TBXAS1: variants seen among roughly 807,000 people sequenced by gnomAD.
TBXAS1 encodes thromboxane A synthase 1.
TBXAS1 carries 48 observed loss-of-function variants against 60.7 expected under a neutral mutation model. The ratio of observed to expected loss-of-function variants is 0.79; its 90% CI spans 0.63 to 1.01. TBXAS1 has a LOEUF of 1.01. Among genes scored for constraint, TBXAS1 ranks in the 50% least tolerant of loss-of-function variants. The pLI is 0.00. For synonymous variants in TBXAS1, 287 were observed against 269.7 expected (o/e 1.06, Z -0.63); for missense variants, 685 against 686.3 (o/e 1.00, Z 0.02).
intron 6 of TBXAS1, among the ~76,000 whole-genome samples, chr7:139,953,975 A>G (rs970679300): frequency 6.6e-6 from 1 of 152,198 alleles, no homozygotes; most frequent in Non-Finnish European, 1.5e-5. Flanking sequence ...GGCCCAACAC[A>G]AATTTATAAA....
intron 4 of TBXAS1, among the ~76,000 whole-genome samples, chr7:139,914,672 GCCTTCCC>G (rs1018674686): frequency 1.3e-5 from 2 of 152,208 alleles, no homozygotes; most frequent in African/African-American, 4.8e-5. Context: ...CCTCCAGGAA[GCCTTCCC>G]TGCCTCCATC....
At chr7:139,934,275 G>A (rs554668204) in intron 4 of TBXAS1, among the ~76,000 whole-genome samples, 46 of 148,402 alleles carry the variant, frequency 3.1e-4, no homozygotes, top group Non-Finnish European at 3.1e-4. Flanking sequence ...TGCAACCTCC[G>A]TCTCCCAGGT....
intron 4 of TBXAS1, among the ~76,000 whole-genome samples, chr7:139,823,815 G>T (rs1301662740): frequency 6.6e-6 from 1 of 152,210 alleles, no homozygotes; most frequent in Admixed American, 6.5e-5. Flanking sequence ...ACCTGGGAAT[G>T]AAAAGTATTG....
intron 9 of TBXAS1, among the ~76,000 whole-genome samples, chr7:140,000,947 G>T (rs1338605911): frequency 6.6e-6 from 1 of 152,184 alleles, no homozygotes; most frequent in African/African-American, 2.4e-5. Flanking sequence ...TCATCTTCTT[G>T]TTCACTCTAC....
chr7:139,868,653 T>C (rs1207044966), intron 1 of TBXAS1, among the ~76,000 whole-genome samples: 1 of 82,840 alleles, frequency 1.2e-5, no homozygotes, highest in East Asian at 2.3e-4. Flanking sequence ...CTGGCTAATA[T>C]TTTTTTTTTT....
At chr7:139,805,660 C>CTCTT (rs755258646) in intron 4 of TBXAS1, among the ~76,000 whole-genome samples, 2,196 of 101,412 alleles carry the variant, frequency 0.022, 73 homozygotes, top group Non-Finnish European at 0.026. Flanking sequence ...CCTTCTTTTT[C>CTCTT]TCTTTCTTTC....
intron 3 of TBXAS1, chr7:139,875,899 G>A: frequency 1.9e-6 from 1 of 527,340 alleles, no homozygotes; most frequent in South Asian, 2.1e-5. Flanking sequence ...GCTGGGCTGG[G>A]CACAGCATCA....
intron 9 of TBXAS1, among the ~76,000 whole-genome samples, chr7:139,995,946 C>G (rs941845220): frequency 4.6e-5 from 7 of 152,190 alleles, no homozygotes; most frequent in Non-Finnish European, 8.8e-5. Context: ...TGCGACCCCA[C>G]TGACTTGGTT....
At chr7:139,976,801 T>A (rs1811595227) in intron 9 of TBXAS1, among the ~76,000 whole-genome samples, 1 of 152,124 alleles carries the variant, frequency 6.6e-6, no homozygotes, top group South Asian at 2.1e-4. Context: ...GAGGCACAGA[T>A]GCAAATGTGC....
chr7:139,942,955 A>G (rs1808407755), intron 5 of TBXAS1, among the ~76,000 whole-genome samples: 1 of 152,204 alleles, frequency 6.6e-6, no homozygotes, highest in South Asian at 2.1e-4. Context: ...TTAAGTTGAT[A>G]TAGCCCGCTT....
intron 1 of TBXAS1, 70 bp from the exon 2 acceptor site, chr7:139,872,165 G>T: frequency 6.9e-7 from 1 of 1,451,118 alleles, no homozygotes; most frequent in Non-Finnish European, 9.7e-7. Flanking sequence ...AGTAATTCTA[G>T]TTCCTAATAG....
intron 4 of TBXAS1, among the ~76,000 whole-genome samples, chr7:139,794,601 T>G (rs1276578648): frequency 1.3e-5 from 2 of 151,720 alleles, no homozygotes; most frequent in South Asian, 2.1e-4. Flanking sequence ...GCCATGCTGA[T>G]GCACTGCACC....
chr7:139,920,164 A>G (rs1286903250), intron 4 of TBXAS1, among the ~76,000 whole-genome samples: 3 of 152,240 alleles, frequency 2.0e-5, no homozygotes, highest in South Asian at 4.1e-4. Flanking sequence ...TGTGGGGTTC[A>G]TCCACATCTT....
chr7:139,936,290 C>G lies in TBXAS1; in HGVS notation c.433C>G (p.Pro145Ala). Residue 145 changes from proline to alanine, a missense_variant, in exon 5 of 13, where the codon CCT (proline) becomes GCT (alanine). Pro to Ala is a conservative substitution (Grantham distance 27). Coordinates refer to ENST00000448866, the MANE Select transcript of TBXAS1 (RefSeq NM_001061.7). ...AGGTGCCCTGATGTCTGCTTTCAGTCCTGAAAAGCTGAACGAGGTAAGACA... is the reference window on the plus strand; with the variant it reads ...AGGTGCCCTGATGTCTGCTTTCAGTGCTGAAAAGCTGAACGAGGTAAGACA... ...VRGALMSAFS[P>A]EKLNEMVPLI... 1 of 1,614,110 alleles carries G rather than the reference C, an allele frequency of 6.2e-7. No individual in the cohort carries two copies. Among genetic ancestry groups the G allele is most frequent in the Non-Finnish European group, 8.5e-7 (1 of 1,179,976 alleles).
At chr7:139,960,680 A>G (rs1810258106) in intron 8 of TBXAS1, among the ~76,000 whole-genome samples, 1 of 149,798 alleles carries the variant, frequency 6.7e-6, no homozygotes, top group Non-Finnish European at 1.5e-5. Flanking sequence ...TGGGAGGTGG[A>G]GGTTGCAGTG....
chr7:139,841,434 A>G (rs1446439381), intron 1 of TBXAS1, among the ~76,000 whole-genome samples: 1 of 152,130 alleles, frequency 6.6e-6, no homozygotes, highest in East Asian at 1.9e-4. Context: ...AAAGGCATGG[A>G]TAATTTTCAG....
chr7:139,868,379 C>T (rs1317093663), intron 1 of TBXAS1, among the ~76,000 whole-genome samples: 1 of 152,170 alleles, frequency 6.6e-6, no homozygotes, highest in African/African-American at 2.4e-5. Flanking sequence ...CTGTAAGACT[C>T]ACTCATAAGT....
At chr7:139,910,835 G>A (rs1174241419) in intron 3 of TBXAS1, among the ~76,000 whole-genome samples, 1 of 152,148 alleles carries the variant, frequency 6.6e-6, no homozygotes, top group Non-Finnish European at 1.5e-5. Flanking sequence ...CCGTTTTGGG[G>A]AAATATGGAT....
chr7:139,911,283 G>T lies in TBXAS1; in HGVS notation c.295G>T (p.Val99Leu). 6.2e-7 allele frequency: 1 copy of T among 1,614,148 alleles called. No individual in the cohort carries two copies. The highest frequency in any genetic ancestry group is 8.5e-7 in the Non-Finnish European group (1 of 1,180,032). ...VISEPDMIKQVLVENFSNFTN... is the reference protein window; with the variant it reads ...VISEPDMIKQLLVENFSNFTN... ...TTCTGAGCCAGACATGATCAAGCAG[G>T]TGTTGGTTGAGAACTTCAGTAACTT... Residue 99 changes from valine (V) to leucine (L), a missense_variant, in exon 4 of 13, where the codon GTG (valine) becomes TTG (leucine). Val to Leu is a conservative substitution (Grantham distance 32, BLOSUM62 1). Transcript: ENST00000448866.
Sources: gnomAD v4.1 joint callset for allele counts (sites outside exome capture counted in the v4.1 genomes callset) on GRCh38, gnomAD v4.1.1 for gene constraint, MANE v1.5 for transcripts, NCBI Gene and HGNC (gene_info 2026-07-23, HGNC 2026-07-21) for gene names.